Variants in FAM135B observed in about 807,000 individuals in gnomAD.
FAM135B encodes family with sequence similarity 135 member B.
In FAM135B, 43 loss-of-function variants were observed where a neutral mutation model predicts 127.7. That is an observed-to-expected ratio of 0.34 (90% CI 0.26 to 0.43). The LOEUF (loss-of-function observed/expected upper bound fraction) is 0.43. Ranked by LOEUF, FAM135B falls within the 20% of genes least tolerant of loss-of-function variation. The pLI, the probability that FAM135B is intolerant of heterozygous loss-of-function variation, is 1.00. For synonymous variants in FAM135B, 670 were observed against 665.1 expected (o/e 1.01, Z -0.11); for missense variants, 1,558 against 1,725.6 (o/e 0.90, Z 1.72).
intron 1 of FAM135B, among the ~76,000 whole-genome samples, chr8:138,462,863 C>A (rs1837204284): frequency 6.6e-6 from 1 of 152,160 alleles, no homozygotes; most frequent in Non-Finnish European, 1.5e-5. Context: ...CAACGCCCAG[C>A]CCATGGCTGA....
intron 15 of FAM135B, chr8:138,144,370 C>A (rs957671272): frequency 1.3e-5 from 2 of 152,244 alleles, no homozygotes; most frequent in Admixed American, 1.3e-4. Context: ...GAGATCGCAC[C>A]ATTGCACTCC....
chr8:138,139,994 G>C (rs1450409395), intron 17 of FAM135B, among the ~76,000 whole-genome samples: 2 of 152,226 alleles, frequency 1.3e-5, no homozygotes, highest in Non-Finnish European at 2.9e-5. Flanking sequence ...GGATATGCTA[G>C]ATTGGAGATA....
At chr8:138,263,747 A>G (rs1245164640) in intron 4 of FAM135B, among the ~76,000 whole-genome samples, 2 of 152,150 alleles carry the variant, frequency 1.3e-5, no homozygotes. Context: ...CTGTTTGGAA[A>G]GAATAGCTTG....
At chr8:138,163,992 C>G (rs1425019018) in intron 12 of FAM135B, among the ~76,000 whole-genome samples, 1 of 152,146 alleles carries the variant, frequency 6.6e-6, no homozygotes, top group Non-Finnish European at 1.5e-5. Context: ...CCATGCCCAG[C>G]AAATGCTATT....
intron 3 of FAM135B, chr8:138,309,178 C>T (rs113415174): frequency 6.7e-6 from 2 of 300,296 alleles, no homozygotes; most frequent in Admixed American, 4.0e-5. Context: ...CTGGTTCACG[C>T]AGGGCAGGGT....
At chr8:138,214,579 T>A (rs1318528009) in intron 7 of FAM135B, among the ~76,000 whole-genome samples, 1 of 152,170 alleles carries the variant, frequency 6.6e-6, no homozygotes, top group Non-Finnish European at 1.5e-5. Context: ...GATGTCTGCA[T>A]CATTCTGGGG....
intron 7 of FAM135B, among the ~76,000 whole-genome samples, chr8:138,200,052 G>A (rs1816987670): frequency 6.6e-6 from 1 of 152,196 alleles, no homozygotes; most frequent in African/African-American, 2.4e-5. Context: ...CCAGTAGTGT[G>A]AGGAATGAAT....
In FAM135B at chr8:138,493,492, C is replaced by T. The variant is rs77485407; in HGVS notation, c.-20+3179G>A. On this transcript the variant is annotated intron_variant, in intron 1 of 19. Coordinates refer to ENST00000395297, the MANE Select transcript of FAM135B (RefSeq NM_015912.4). Reference sequence around the variant, plus strand: ...TATCATTTGCAAATTACAGATATTACGTATTGAGTGCCTGGCATGGCATTT... The same window carrying T: ...TATCATTTGCAAATTACAGATATTATGTATTGAGTGCCTGGCATGGCATTT... Among the ~76,000 whole-genome samples, 732 of 152,248 alleles carry T rather than the reference C, an allele frequency of 4.8e-3. 3 individuals carry two copies. Among genetic ancestry groups the T allele is most frequent in the Non-Finnish European group, 5.5e-3 (375 of 68,024 alleles).
chr8:138,299,098 A>C (rs1168529798), intron 3 of FAM135B, among the ~76,000 whole-genome samples: 1 of 149,246 alleles, frequency 6.7e-6, no homozygotes, highest in Non-Finnish European at 1.5e-5. Context: ...TAAATAAATA[A>C]ATAAATAAAT....
intron 11 of FAM135B, among the ~76,000 whole-genome samples, chr8:138,170,630 T>C (rs1253252199): frequency 6.6e-6 from 1 of 152,178 alleles, no homozygotes. Flanking sequence ...ATGATTGGAT[T>C]ATGTGATTCC....
chr8:138,176,552 G>T (rs1352491930), intron 11 of FAM135B, among the ~76,000 whole-genome samples: 1 of 152,188 alleles, frequency 6.6e-6, no homozygotes, highest in African/African-American at 2.4e-5. Context: ...CATGAGACAA[G>T]CCGTGAATGT....
chr8:138,147,996 A>G (rs1817797047), intron 14 of FAM135B, among the ~76,000 whole-genome samples: 1 of 152,138 alleles, frequency 6.6e-6, no homozygotes, highest in Non-Finnish European at 1.5e-5. Context: ...GGAGGTAAAT[A>G]AACATAGGTA....
At chr8:138,166,855 G>A (rs1324707543) in intron 12 of FAM135B, among the ~76,000 whole-genome samples, 1 of 152,108 alleles carries the variant, frequency 6.6e-6, no homozygotes, top group African/African-American at 2.4e-5. Flanking sequence ...CTACCAACCT[G>A]TAGTTCACAA....
At position 138,496,777 on chromosome 8, in the gene FAM135B, G is replaced by T; in HGVS notation, c.-126C>A. Reference sequence around the variant, plus strand: ...GGCCGCCAACAGTTGCGGCGGCGGCGGCGGCGGGCGGACTGGGGAGTCCGC... The same window carrying T: ...GGCCGCCAACAGTTGCGGCGGCGGCTGCGGCGGGCGGACTGGGGAGTCCGC... On this transcript the variant is annotated 5_prime_UTR_variant, in exon 1 of 20. Transcript: ENST00000395297. The T allele has an allele frequency of 6.5e-6, 1 of 154,228 alleles. No individual in the cohort carries two copies. Among genetic ancestry groups the T allele is most frequent in the South Asian group, 1.9e-4 (1 of 5,240 alleles). The allele number at this position is 154,228 out of a possible 1,614,324, so 9.6% of individuals were successfully genotyped here.
intron 1 of FAM135B, among the ~76,000 whole-genome samples, chr8:138,434,317 GGAGT>G (rs1477039112): frequency 6.6e-6 from 1 of 152,040 alleles, no homozygotes; most frequent in Non-Finnish European, 1.5e-5. Flanking sequence ...ATATTCTTTG[GGAGT>G]GAGAATAATC....
intron 2 of FAM135B, among the ~76,000 whole-genome samples, chr8:138,335,623 A>C (rs1049151245): frequency 6.6e-6 from 1 of 152,324 alleles, no homozygotes; most frequent in Admixed American, 6.5e-5. Context: ...CTTAGAGACT[A>C]CAAAGAGACT....
At chr8:138,479,088 G>A (rs1265069978) in intron 1 of FAM135B, among the ~76,000 whole-genome samples, 1 of 152,112 alleles carries the variant, frequency 6.6e-6, no homozygotes, top group East Asian at 1.9e-4. Flanking sequence ...TATAACAAAG[G>A]ATGCAACTCA....
chr8:138,219,000 G>A (rs1818810081), intron 7 of FAM135B, among the ~76,000 whole-genome samples: 1 of 152,102 alleles, frequency 6.6e-6, no homozygotes. Flanking sequence ...GCATTTGCAG[G>A]TGATGATAAA....
At chr8:138,165,923 G>GCAAAAATC (rs1819871003) in intron 12 of FAM135B, among the ~76,000 whole-genome samples, 1 of 152,058 alleles carries the variant, frequency 6.6e-6, no homozygotes, top group African/African-American at 2.4e-5. Context: ...CACTGCCCTT[G>GCAAAAATC]GAAGTCACTT....
Sources: gnomAD v4.1 joint callset for allele counts (sites outside exome capture counted in the v4.1 genomes callset) on GRCh38, gnomAD v4.1.1 for gene constraint, MANE v1.5 for transcripts, NCBI Gene and HGNC (gene_info 2026-07-23, HGNC 2026-07-21) for gene names.